TSPAN10: variants seen among roughly 807,000 people sequenced by gnomAD.
The protein encoded by TSPAN10 is tetraspanin 10.
Under a neutral mutation model 15.0 loss-of-function variants are expected in TSPAN10, and 11 were observed. The ratio of observed to expected loss-of-function variants is 0.73; its 90% CI spans 0.46 to 1.21. The LOEUF (loss-of-function observed/expected upper bound fraction) is 1.21, where lower values mean the gene tolerates loss of function less well. Among genes scored for constraint, TSPAN10 ranks in the 50% most tolerant of loss-of-function variants. The probability of loss-of-function intolerance (pLI) is 0.00; values close to 1 mark genes in which losing one functional copy is unlikely to be tolerated. For missense variants in TSPAN10, 486 were observed against 470.6 expected, an observed-to-expected ratio of 1.03 and a Z score of -0.30; for synonymous variants, 241 against 226.2, an observed-to-expected ratio of 1.07 and a Z score of -0.59.
upstream of TSPAN10, among the ~76,000 whole-genome samples, chr17:81,641,456 C>T (rs189027933): frequency 1.1e-3 from 168 of 152,036 alleles, no homozygotes; most frequent in Non-Finnish European, 1.7e-3. Context: ...CTCCCTCCCA[C>T]CCCCATCTCC....
chr17:81,647,923 G>T (rs747673205), exon 3 of TSPAN10: 14 of 1,606,250 alleles, frequency 8.7e-6, no homozygotes, highest in African/African-American at 2.7e-5. Context: ...CAGCTCCCCC[G>T]GGGTGCAGGC....
At chr17:81,642,091 G>A (rs968427708), upstream of TSPAN10, among the ~76,000 whole-genome samples, 13 of 152,248 alleles carry the variant, frequency 8.5e-5, no homozygotes, top group Non-Finnish European at 1.5e-4. Context: ...TGCAGTGAGA[G>A]CCACAAGGCT....
intron 2 of TSPAN10, chr17:81,647,406 C>T (rs2036269350): frequency 8.7e-6 from 4 of 457,204 alleles, no homozygotes; most frequent in East Asian, 6.9e-5. Context: ...ATCAACACTC[C>T]CTAGCTACCC....
At chr17:81,647,556 C>G in intron 2 of TSPAN10, 1 of 562,050 alleles carries the variant, frequency 1.8e-6, no homozygotes, top group Non-Finnish European at 3.4e-6. Flanking sequence ...CCAACTCTAC[C>G]TTCTCAATGA....
At chr17:81,648,127 G>C (rs374584875) in exon 3 of TSPAN10, 98 of 1,549,414 alleles carry the variant, frequency 6.3e-5, no homozygotes, top group Non-Finnish European at 8.4e-5. Context: ...CGCAATCGCG[G>C]TGGTGCTGCT....
At chr17:81,645,665 C>G (rs773951317) in intron 2 of TSPAN10, 36 bp downstream of exon 3, 1 of 1,606,646 alleles carries the variant, frequency 6.2e-7, no homozygotes, top group Non-Finnish European at 8.5e-7. Context: ...AGGGCCACCA[C>G]AGGGTCGCAG....
chr17:81,647,797 TG>T, intron 2 of TSPAN10, 103 bp from the exon 4 acceptor site: 2 of 1,262,936 alleles, frequency 1.6e-6, no homozygotes, highest in Non-Finnish European at 2.2e-6. Flanking sequence ...TGTGCCTGTG[TG>T]GCCATGGAAG....
chr17:81,637,221 G>A (rs916465294), exon 1 of TSPAN10: 5 of 485,322 alleles, frequency 1.0e-5, no homozygotes, highest in African/African-American at 1.0e-4. Context: ...GCAACTGGAG[G>A]AGGGGATTTT....
Position 81,637,329 on chromosome 17 carries a change from C to A in TSPAN10, c.-70C>A, listed in dbSNP as rs535582246. On this transcript the variant is annotated 5_prime_UTR_variant, in exon 1 of 4. Coordinates refer to the TSPAN10 transcript ENST00000574882. ...GCAAAGACGAGCATCCGAAGTCTCACCCAAAAATAACTACTGCTGCGTATT... is the reference window on the plus strand; with the variant it reads ...GCAAAGACGAGCATCCGAAGTCTCAACCAAAAATAACTACTGCTGCGTATT... The A allele has an allele frequency of 9.0e-6, 6 of 664,252 alleles. No individual in the cohort carries two copies. In the South Asian group the frequency reaches 9.7e-5, roughly 11 times the overall value. 41.1% of individuals were successfully genotyped at this position (664,252 alleles called of 1,614,324 possible).
At chr17:81,645,373 C>G (rs1329723291) in exon 2 of TSPAN10, 1 of 1,595,706 alleles carries the variant, frequency 6.3e-7, no homozygotes, top group Admixed American at 1.7e-5. Context: ...GGCTGGCTAC[C>G]TGGGCGCCCT....
intron 1 of TSPAN10, among the ~76,000 whole-genome samples, chr17:81,643,827 TTTAG>T: frequency 6.6e-6 from 1 of 151,836 alleles, no homozygotes; most frequent in Admixed American, 6.6e-5. Flanking sequence ...TTATTATTTA[TTTAG>T]TTTTTGAGAT....
chr17:81,640,352 T>G (rs1304175685), upstream of TSPAN10, among the ~76,000 whole-genome samples: 1 of 152,120 alleles, frequency 6.6e-6, no homozygotes, highest in Non-Finnish European at 1.5e-5. Flanking sequence ...CCTCACATGT[T>G]TTTTCTTCTG....
chr17:81,644,006 A>ATTTTTTTTTT (rs1322175344), intron 1 of TSPAN10, among the ~76,000 whole-genome samples: 1 of 124,140 alleles, frequency 8.1e-6, no homozygotes, highest in African/African-American at 3.1e-5. Context: ...CGCCCGGCTA[A>ATTTTTTTTTT]TTTTTTTTTT....
upstream of TSPAN10, chr17:81,638,954 C>T (rs1170010102): frequency 6.6e-6 from 1 of 152,040 alleles, no homozygotes; most frequent in Non-Finnish European, 1.5e-5. Context: ...GCAGTCTTGT[C>T]CCCAGGTAGG....
At chr17:81,645,116 A>G (rs1295024771) in exon 2 of TSPAN10, 2 of 1,585,528 alleles carry the variant, frequency 1.3e-6, no homozygotes, top group South Asian at 1.1e-5. Flanking sequence ...GAGACCAAGC[A>G]CCAGGCCTTG....
chr17:81,641,623 T>C (rs948206652), upstream of TSPAN10, among the ~76,000 whole-genome samples: 5 of 151,858 alleles, frequency 3.3e-5, no homozygotes, highest in African/African-American at 1.2e-4. Flanking sequence ...CTGCTGAGTG[T>C]TGGTGGCTGA....
chr17:81,647,996 AGTGCGGCTTCGGGGT>A, exon 3 of TSPAN10: 1 of 1,611,112 alleles, frequency 6.2e-7, no homozygotes, highest in Non-Finnish European at 8.5e-7. Flanking sequence ...GTCAACGACC[AGTGCGGCTTCGGGGT>A]CCTGCGCCTG....
At chr17:81,645,406 C>T (rs781258302) in exon 2 of TSPAN10, 7 of 1,603,408 alleles carry the variant, frequency 4.4e-6, no homozygotes, top group Middle Eastern at 1.7e-4. Context: ...CTGCCTGTTA[C>T]GTGGCTTCTC....
intron 1 of TSPAN10, among the ~76,000 whole-genome samples, chr17:81,644,780 T>C (rs1223231500): frequency 1.3e-5 from 2 of 152,222 alleles, no homozygotes; most frequent in African/African-American, 4.8e-5. Context: ...GCTGGGACCC[T>C]CACTGCCCCT....
Sources: gnomAD v4.1 joint callset for allele counts (sites outside exome capture counted in the v4.1 genomes callset) on GRCh38, gnomAD v4.1.1 for gene constraint, MANE v1.5 for transcripts, NCBI Gene and HGNC (gene_info 2026-07-23, HGNC 2026-07-21) for gene names.